Variants in CRB1 observed in about 807,000 individuals in gnomAD.
CRB1 encodes protein crumbs homolog 1.
In CRB1, 83 loss-of-function variants were observed where a neutral mutation model predicts 120.0. The ratio of observed to expected loss-of-function variants is 0.69; its 90% CI spans 0.58 to 0.83. The LOEUF (loss-of-function observed/expected upper bound fraction) is 0.83, where lower values mean the gene tolerates loss of function less well. Ranked by LOEUF, CRB1 falls within the 40% of genes least tolerant of loss-of-function variation. The pLI, the probability that CRB1 is intolerant of heterozygous loss-of-function variation, is 0.00. For missense variants in CRB1, 1,699 were observed against 1,687.6 expected, an observed-to-expected ratio of 1.01 and a Z score of -0.12; for synonymous variants, 625 against 612.5, an observed-to-expected ratio of 1.02 and a Z score of -0.30.
At chr1:197,441,386 A>C (rs1665425819) in intron 10 of CRB1, 2 of 152,182 alleles carry the variant, frequency 1.3e-5, no homozygotes, top group African/African-American at 4.8e-5. Flanking sequence ...CTGGAAAATT[A>C]GTTTAAAAAA....
At chr1:197,253,656 G>C in the CRB1 span, among the ~76,000 whole-genome samples, 1 of 152,060 alleles carries the variant, frequency 6.6e-6, no homozygotes, top group African/African-American at 2.4e-5. Flanking sequence ...AAAAAATACA[G>C]ATTATTTTTG....
chr1:197,237,552 A>G, the CRB1 span, among the ~76,000 whole-genome samples: 7 of 152,206 alleles, frequency 4.6e-5, no homozygotes, highest in Non-Finnish European at 1.0e-4. Context: ...ACATTCAGAC[A>G]ATAGACATAT....
At chr1:197,333,016 C>T (rs1184407055) in intron 2 of CRB1, among the ~76,000 whole-genome samples, 1 of 152,136 alleles carries the variant, frequency 6.6e-6, no homozygotes, top group African/African-American at 2.4e-5. Flanking sequence ...CCTGATGAAT[C>T]CTGGAAACTG....
chr1:197,382,191 T>C (rs1661991046), intron 5 of CRB1, among the ~76,000 whole-genome samples: 2 of 152,180 alleles, frequency 1.3e-5, no homozygotes, highest in South Asian at 4.1e-4. Flanking sequence ...TAACCTAACT[T>C]ACAGGGTGGC....
chr1:197,356,368 A>C (rs769723410), intron 4 of CRB1, among the ~76,000 whole-genome samples: 1 of 152,224 alleles, frequency 6.6e-6, no homozygotes, highest in African/African-American at 2.4e-5. Flanking sequence ...ATGCAAATTT[A>C]AAACAACCTC....
At chr1:197,460,724 T>G (rs1372051947) in intron 11 of CRB1, among the ~76,000 whole-genome samples, 1 of 152,170 alleles carries the variant, frequency 6.6e-6, no homozygotes, top group Non-Finnish European at 1.5e-5. Context: ...GGTTTTCTGT[T>G]TCCTAGTTTG....
chr1:197,396,185 C>T (rs984289560), intron 5 of CRB1, among the ~76,000 whole-genome samples: 6 of 152,000 alleles, frequency 3.9e-5, no homozygotes, highest in African/African-American at 9.7e-5. Context: ...TGTTTTTATA[C>T]GCTAGCATTG....
At chr1:197,378,790 C>T (rs2494271) in intron 5 of CRB1, among the ~76,000 whole-genome samples, 56,283 of 152,092 alleles carry the variant, frequency 0.37, 11,811 homozygotes, top group African/African-American at 0.57. Context: ...ATCTGGTTAT[C>T]ATCTTTTGTT....
chr1:197,240,694 T>G, the CRB1 span, among the ~76,000 whole-genome samples: 1 of 152,206 alleles, frequency 6.6e-6, no homozygotes, highest in Non-Finnish European at 1.5e-5. Flanking sequence ...TGTGTCTTTA[T>G]AGTAGAATGA....
intron 5 of CRB1, among the ~76,000 whole-genome samples, chr1:197,376,784 C>T (rs1249706129): frequency 1.3e-5 from 2 of 152,154 alleles, no homozygotes; most frequent in East Asian, 3.9e-4. Flanking sequence ...TGTGAGTCTT[C>T]CATTCAAACA....
At chr1:197,226,852 G>A in the CRB1 span, among the ~76,000 whole-genome samples, 1 of 152,230 alleles carries the variant, frequency 6.6e-6, no homozygotes, top group South Asian at 2.1e-4. Context: ...CTTCTTACAT[G>A]GTGATGACAA....
At chr1:197,210,557 A>G in the CRB1 span, among the ~76,000 whole-genome samples, 1 of 151,990 alleles carries the variant, frequency 6.6e-6, no homozygotes, top group Admixed American at 6.6e-5. Flanking sequence ...GCCAGCCCCC[A>G]CAATCATGTG....
At chr1:197,307,385 T>C (rs143589018) in intron 1 of CRB1, among the ~76,000 whole-genome samples, 34 of 152,314 alleles carry the variant, frequency 2.2e-4, no homozygotes, top group Non-Finnish European at 3.4e-4. Context: ...TTAAGTTTAA[T>C]GAATATTTAT....
chr1:197,249,732 T>C, the CRB1 span, among the ~76,000 whole-genome samples: 1 of 151,966 alleles, frequency 6.6e-6, no homozygotes, highest in Non-Finnish European at 1.5e-5. Context: ...ACAAAAATTG[T>C]AGGCAGAGGC....
chr1:197,319,605 G>C (rs1040845743), intron 1 of CRB1, among the ~76,000 whole-genome samples: 4 of 151,938 alleles, frequency 2.6e-5, no homozygotes, highest in African/African-American at 9.7e-5. Context: ...TTTTCTCTCT[G>C]AGTGTAAACA....
the CRB1 span, among the ~76,000 whole-genome samples, chr1:197,253,736 T>G: frequency 6.6e-6 from 1 of 152,130 alleles, no homozygotes; most frequent in Non-Finnish European, 1.5e-5. Flanking sequence ...AAGAAAAATT[T>G]CTCTAAAATT....
At chr1:197,236,195 CT>C in the CRB1 span, among the ~76,000 whole-genome samples, 661 of 112,952 alleles carry the variant, frequency 5.9e-3, 6 homozygotes, top group South Asian at 0.029. Flanking sequence ...CTTTTATTTC[CT>C]TTTTTTTTTT....
At chr1:197,245,548 A>G in the CRB1 span, among the ~76,000 whole-genome samples, 1 of 152,114 alleles carries the variant, frequency 6.6e-6, no homozygotes. Flanking sequence ...TCTTTGTTAT[A>G]TAATTCATTC....
At chr1:197,397,385 C>T (rs1311526389) in intron 5 of CRB1, among the ~76,000 whole-genome samples, 1 of 152,070 alleles carries the variant, frequency 6.6e-6, no homozygotes, top group African/African-American at 2.4e-5. Flanking sequence ...AAATGGAAAA[C>T]AGTTGGGCAT....
Sources: gnomAD v4.1 joint callset for allele counts (sites outside exome capture counted in the v4.1 genomes callset) on GRCh38, gnomAD v4.1.1 for gene constraint, MANE v1.5 for transcripts, NCBI Gene and HGNC (gene_info 2026-07-23, HGNC 2026-07-21) for gene names.